The following TRIM2 variants were observed in gnomAD, a reference collection of about 807,000 sequenced individuals.
TRIM2 encodes tripartite motif containing 2.
In TRIM2, 20 loss-of-function variants were observed where a neutral mutation model predicts 75.2. That is an observed-to-expected ratio of 0.27 (90% CI 0.19 to 0.39). The LOEUF is 0.39. Among genes scored for constraint, TRIM2 ranks in the 10% least tolerant of loss-of-function variants. TRIM2 has a pLI of 1.00. For synonymous variants in TRIM2, 373 were observed against 388.3 expected, an observed-to-expected ratio of 0.96 and a Z score of 0.46; for missense variants, 660 against 990.8, an observed-to-expected ratio of 0.67 and a Z score of 4.48.
At chr4:153,326,593 A>C (rs1770224073) in intron 10 of TRIM2, among the ~76,000 whole-genome samples, 1 of 152,258 alleles carries the variant, frequency 6.6e-6, no homozygotes, top group South Asian at 2.1e-4. Flanking sequence ...ATCACAAAAC[A>C]AGTAAGACTA....
At chr4:153,308,364 GA>G in intron 6 of TRIM2, 1 of 1,102,890 alleles carries the variant, frequency 9.1e-7, no homozygotes, top group Non-Finnish European at 1.4e-6. Flanking sequence ...GTTGGTTCTT[GA>G]GCAGATGATC....
chr4:153,227,100 G>C (rs1742337242), intron 1 of TRIM2, among the ~76,000 whole-genome samples: 1 of 152,196 alleles, frequency 6.6e-6, no homozygotes, highest in Non-Finnish European at 1.5e-5. Flanking sequence ...AATCAGCTCT[G>C]GCTGTGGTAG....
intron 8 of TRIM2, among the ~76,000 whole-genome samples, chr4:153,319,708 C>A (rs1768500030): frequency 1.3e-5 from 2 of 151,574 alleles, no homozygotes; most frequent in Admixed American, 1.3e-4. Flanking sequence ...CCAGCCTGGG[C>A]AACAAGAGCA....
chr4:153,286,398 T>A (rs1760623515), intron 3 of TRIM2, among the ~76,000 whole-genome samples: 1 of 152,134 alleles, frequency 6.6e-6, no homozygotes, highest in Non-Finnish European at 1.5e-5. Flanking sequence ...TAAGGAAGAT[T>A]GGTGTTAGTT....
At chr4:153,324,496 C>A in intron 10 of TRIM2, 1 of 197,316 alleles carries the variant, frequency 5.1e-6, no homozygotes, top group Non-Finnish European at 1.0e-5. Context: ...TTCAATTTTC[C>A]GCATCTTTTT....
chr4:153,289,898 C>T (rs768679332), intron 3 of TRIM2, among the ~76,000 whole-genome samples: 3 of 152,192 alleles, frequency 2.0e-5, no homozygotes, highest in Non-Finnish European at 4.4e-5. Context: ...CCCCAACACC[C>T]GAAATAACCT....
chr4:153,322,840 A>AC, intron 9 of TRIM2, 24 bp downstream of exon 9: 1 of 1,612,692 alleles, frequency 6.2e-7, no homozygotes, highest in Non-Finnish European at 8.5e-7. Flanking sequence ...TAATATGTAA[A>AC]CCCCCTTTTT....
chr4:153,274,197 G>A (rs191042281), intron 2 of TRIM2, among the ~76,000 whole-genome samples: 2 of 152,306 alleles, frequency 1.3e-5, no homozygotes, highest in African/African-American at 4.8e-5. Flanking sequence ...TTTGAGTTTT[G>A]AGAAGGTCAC....
chr4:153,161,118 T>C (rs1385252456), intron 1 of TRIM2, among the ~76,000 whole-genome samples: 3 of 152,226 alleles, frequency 2.0e-5, no homozygotes, highest in Non-Finnish European at 4.4e-5. Flanking sequence ...TCTAGTATTC[T>C]AAGGAACAAA....
At chr4:153,152,693 T>A (rs936431314), upstream of TRIM2, 1 of 152,004 alleles carries the variant, frequency 6.6e-6, no homozygotes, top group African/African-American at 2.4e-5. Flanking sequence ...AGCAGTTGAA[T>A]GAGCTTCTTA....
At chr4:153,244,119 C>T (rs1747468384) in intron 1 of TRIM2, among the ~76,000 whole-genome samples, 1 of 149,234 alleles carries the variant, frequency 6.7e-6, no homozygotes, top group African/African-American at 2.5e-5. Context: ...TGTGCCACTG[C>T]CATCTTCTTC....
At chr4:153,322,945 T>G in intron 9 of TRIM2, 129 bp downstream of exon 9, 1 of 1,288,618 alleles carries the variant, frequency 7.8e-7, no homozygotes, top group Non-Finnish European at 1.1e-6. Flanking sequence ...ATGCTGGGGA[T>G]AAAATCTAAG....
At chr4:153,190,096 C>T (rs1448787031) in intron 1 of TRIM2, among the ~76,000 whole-genome samples, 1 of 152,164 alleles carries the variant, frequency 6.6e-6, no homozygotes, top group Non-Finnish European at 1.5e-5. Context: ...TTCCTTTCGG[C>T]TTGCAGATGG....
chr4:153,196,196 A>G (rs1733744890), intron 1 of TRIM2, among the ~76,000 whole-genome samples: 2 of 152,164 alleles, frequency 1.3e-5, no homozygotes, highest in South Asian at 4.1e-4. Context: ...GAGGCTGAGC[A>G]GAAGGATGGC....
At chr4:153,168,070 C>T (rs912216660) in intron 1 of TRIM2, among the ~76,000 whole-genome samples, 5 of 151,792 alleles carry the variant, frequency 3.3e-5, no homozygotes, top group African/African-American at 1.2e-4. Context: ...TAGCCAGCTA[C>T]TTATAAGTAA....
At chr4:153,172,447 A>C (rs1468972484) in intron 1 of TRIM2, among the ~76,000 whole-genome samples, 1 of 152,144 alleles carries the variant, frequency 6.6e-6, no homozygotes, top group Non-Finnish European at 1.5e-5. Context: ...TTGGCCTCCC[A>C]AAGTGCTGGG....
At chr4:153,331,333 A>G (rs990469887) in intron 11 of TRIM2, among the ~76,000 whole-genome samples, 23 of 152,210 alleles carry the variant, frequency 1.5e-4, no homozygotes, top group Non-Finnish European at 2.6e-4. Flanking sequence ...TTAAGAAAAA[A>G]CAAAAAAAAA....
At chr4:153,310,147 T>C (rs376612336) in intron 6 of TRIM2, 17 of 152,292 alleles carry the variant, frequency 1.1e-4, no homozygotes, top group Middle Eastern at 3.4e-3. Context: ...AATTATGGAA[T>C]TATAGAATAA....
chr4:153,209,362 A>T (rs1459095024), intron 1 of TRIM2, among the ~76,000 whole-genome samples: 1 of 152,230 alleles, frequency 6.6e-6, no homozygotes, highest in Admixed American at 6.5e-5. Flanking sequence ...AAGATGAATC[A>T]GAAAACTCAA....
Sources: allele counts gnomAD v4.1 joint callset (sites outside exome capture counted in the v4.1 genomes callset), GRCh38; gene constraint gnomAD v4.1.1; transcripts MANE v1.5; gene names NCBI Gene and HGNC (gene_info 2026-07-23, HGNC 2026-07-21).